OGT: variants seen among roughly 807,000 people sequenced by gnomAD.
OGT encodes the protein UDP-N-acetylglucosamine--peptide N-acetylglucosaminyltransferase 110 kDa subunit.
In OGT, 3 loss-of-function variants were observed where a neutral mutation model predicts 75.8. The observed-to-expected ratio is 0.04, with a 90% CI of 0.02 to 0.10. The LOEUF (loss-of-function observed/expected upper bound fraction) is 0.10. Ranked by LOEUF, OGT falls within the 10% of genes least tolerant of loss-of-function variation. OGT has a pLI of 1.00. For missense variants in OGT, 260 were observed against 824.4 expected (o/e 0.32, Z 8.38); for synonymous variants, 257 against 289.7 (o/e 0.89, Z 1.15).
At chrX:71,545,812 A>G (rs1223367850) in intron 4 of OGT, 2 of 112,480 alleles carry the variant, frequency 1.8e-5, no homozygotes, top group Non-Finnish European at 3.8e-5. Flanking sequence ...TATAGAACAA[A>G]TATTTGATAA....
At chrX:71,565,544 A>G (rs1468843485) in intron 19 of OGT, among the ~76,000 whole-genome samples, 1 of 111,835 alleles carries the variant, frequency 8.9e-6, no homozygotes, top group Non-Finnish European at 1.9e-5. Flanking sequence ...CTCATTTATA[A>G]TCTTCAAGAG....
chrX:71,540,694 C>T (rs1404964432), intron 3 of OGT, among the ~76,000 whole-genome samples: 3 of 97,718 alleles, frequency 3.1e-5, no homozygotes, highest in Non-Finnish European at 4.1e-5. Context: ...TTTTTGGAGA[C>T]GGAGTTTTGC....
rs1318981787 is a variant in OGT, at chrX:71,574,410, A to C, written c.*616A>C. ...GGAGCTATCAGTGCTTTGTTGATTTAGATGATGACTCAAGATTTTTTCTGG... is the reference window on the plus strand; with the variant it reads ...GGAGCTATCAGTGCTTTGTTGATTTCGATGATGACTCAAGATTTTTTCTGG... On this transcript the variant is annotated 3_prime_UTR_variant, in exon 22 of 22. Transcript: ENST00000373719. 9.0e-6 allele frequency: 1 copy of C among 110,922 alleles called. No homozygotes were observed. The highest frequency in any genetic ancestry group is 1.9e-5 in the Non-Finnish European group (1 of 52,932). The allele number at this position is 110,922 out of a possible 1,213,427, so 9.1% of individuals were successfully genotyped here. A position where few individuals can be genotyped will look rare whatever the true frequency, so the allele number is the denominator to read the frequency against.
chrX:71,557,530 A>G lies in OGT; in HGVS notation c.1460A>G (p.Lys487Arg), dbSNP rs2040351043. 1 of 1,209,908 alleles carries G rather than the reference A, an allele frequency of 8.3e-7. No individual in the cohort carries two copies. Among genetic ancestry groups the G allele is most frequent in the African/African-American group, 1.7e-5 (1 of 57,817 alleles). Reference sequence around the variant, plus strand: ...TGGACAGACTATGATGAGCGAATGAAGAAGTTGGTCAGTATTGTGGCTGAC... The same window carrying G: ...TGGACAGACTATGATGAGCGAATGAGGAAGTTGGTCAGTATTGTGGCTGAC... ...CDWTDYDERMKKLVSIVADQL... is the reference protein window; with the variant it reads ...CDWTDYDERMRKLVSIVADQL... Residue 487 changes from lysine to arginine, a missense_variant, in exon 12 of 22, where the codon AAG becomes AGG. Physicochemically the swap from Lys to Arg is conservative, Grantham distance 26. Coordinates refer to ENST00000373719, the MANE Select transcript of OGT (RefSeq NM_181672.3).
At chrX:71,542,170 T>C (rs982137558) in intron 3 of OGT, among the ~76,000 whole-genome samples, 17 of 112,338 alleles carry the variant, frequency 1.5e-4, no homozygotes, top group Non-Finnish European at 2.8e-4. Flanking sequence ...GCCTGAAATG[T>C]ATTAACCTGG....
chrX:71,548,167 A>G (rs1271220171), intron 5 of OGT, 144 bp downstream of exon 5: 6 of 560,347 alleles, frequency 1.1e-5, no homozygotes, highest in African/African-American at 7.1e-5. Flanking sequence ...ACAGAGAACA[A>G]TGATTTGACT....
At chrX:71,547,808 T>TTCCCC in intron 4 of OGT, 99 bp from the exon 5 acceptor site, 2 of 1,068,202 alleles carry the variant, frequency 1.9e-6, no homozygotes, top group Non-Finnish European at 2.4e-6. Flanking sequence ...ATCACCTTCT[T>TTCCCC]CCCCCCCTCC....
chrX:71,543,977 G>A (rs1368532728), intron 3 of OGT, among the ~76,000 whole-genome samples: 1 of 108,937 alleles, frequency 9.2e-6, no homozygotes, highest in African/African-American at 3.3e-5. Context: ...GTAGAGATGG[G>A]GTTTCGCCAT....
chrX:71,557,293 G>A lies in OGT; in HGVS notation c.1419G>A (p.Leu473=), dbSNP rs2040349394. The A allele has an allele frequency of 8.4e-7, 1 of 1,190,517 alleles. No individual in the cohort carries two copies. The highest frequency in any genetic ancestry group is 1.1e-6 in the Non-Finnish European group (1 of 879,472). Residue 473 remains leucine (L), a synonymous_variant, in exon 11 of 22, where the codon CTG becomes CTA. Transcript: ENST00000373719. The part of the protein sequence containing the change: ...PDAYCNLAHC[L]QIVCDWTDYD... ...CTTATTGTAACTTGGCTCATTGCCT[G>A]CAGGTAAAGAATAACAGGCCAGTAA...
At chrX:71,560,991 G>A (rs1417053476) in intron 14 of OGT, among the ~76,000 whole-genome samples, 2 of 108,967 alleles carry the variant, frequency 1.8e-5, no homozygotes, top group Non-Finnish European at 3.8e-5. Context: ...GCAGTGGCAC[G>A]ATCTCGGCTC....
At chrX:71,560,275 CAAAAAAA>C (rs764918597) in intron 14 of OGT, among the ~76,000 whole-genome samples, 5 of 45,846 alleles carry the variant, frequency 1.1e-4, no homozygotes, top group Non-Finnish European at 1.8e-4. Context: ...GACTCTGTCT[CAAAAAAA>C]AAAAAAAAAA....
intron 14 of OGT, among the ~76,000 whole-genome samples, chrX:71,560,372 A>G (rs1373937610): frequency 9.2e-6 from 1 of 108,421 alleles, no homozygotes; most frequent in African/African-American, 3.4e-5. Context: ...TACTTGTTCT[A>G]TTGTTGTATC....
intron 1 of OGT, chrX:71,534,429 A>G (rs780527782): frequency 9.0e-6 from 1 of 110,778 alleles, no homozygotes; most frequent in South Asian, 3.8e-4. Flanking sequence ...CTGCCTTTCC[A>G]TATTGAGGCG....
chrX:71,556,915 T>C (rs762491922), intron 9 of OGT, 37 bp from the exon 10 acceptor site: 1 of 1,182,901 alleles, frequency 8.5e-7, no homozygotes, highest in African/African-American at 1.8e-5. Context: ...TAAAGATTTT[T>C]GTATTGGAGA....
chrX:71,555,991 G>A lies in OGT; in HGVS notation c.962G>A (p.Arg321His), dbSNP rs773649818. Residue 321 changes from arginine (R) to histidine (H), a missense_variant, in exon 8 of 22, where the codon CGT (arginine) becomes CAT (histidine). Arg to His is a conservative substitution (Grantham distance 29). Coordinates refer to ENST00000373719, the MANE Select transcript of OGT (RefSeq NM_181672.3). ...EAEDCYNTALRLCPTHADSLN... is the reference protein window; with the variant it reads ...EAEDCYNTALHLCPTHADSLN... ...GAAGATTGTTATAATACAGCTCTCCGTCTGTGTCCCACCCATGCAGACTCT... is the reference window on the plus strand; with the variant it reads ...GAAGATTGTTATAATACAGCTCTCCATCTGTGTCCCACCCATGCAGACTCT... The A allele has an allele frequency of 5.8e-6, 7 of 1,211,101 alleles. No individual in the cohort carries two copies. Among genetic ancestry groups the A allele is most frequent in the African/African-American group, 1.7e-5 (1 of 57,727 alleles).
intron 21 of OGT, among the ~76,000 whole-genome samples, chrX:71,572,223 G>A (rs1490239603): frequency 3.6e-5 from 4 of 111,675 alleles, no homozygotes; most frequent in Non-Finnish European, 7.5e-5. Context: ...AATTAGTTTT[G>A]CTTTTCTAGA....
At chrX:71,558,253 C>A (rs1011188115) in intron 12 of OGT, among the ~76,000 whole-genome samples, 1 of 109,495 alleles carries the variant, frequency 9.1e-6, no homozygotes, top group African/African-American at 3.3e-5. Context: ...GCCTGGCCAG[C>A]CATCATGTTT....
chrX:71,536,185 G>A lies in OGT; in HGVS notation c.45G>A (p.Thr15=). ...VGNVADSTEP[T]KRMLSFQGLA... ...GTTTTGATGATTCTCCAGAACCAACGAAACGTATGCTTTCCTTCCAAGGGT... is the reference window on the plus strand; with the variant it reads ...GTTTTGATGATTCTCCAGAACCAACAAAACGTATGCTTTCCTTCCAAGGGT... The change falls in exon 2 of 22, where the codon ACG becomes ACA. Residue 15 remains threonine, a synonymous_variant. Transcript: ENST00000373719. 1 of 1,197,334 alleles carries A rather than the reference G, an allele frequency of 8.4e-7. No individual in the cohort carries two copies. The highest frequency in any genetic ancestry group is 1.1e-6 in the Non-Finnish European group (1 of 888,887).
At chrX:71,556,877 A>G in intron 9 of OGT, 75 bp from the exon 10 acceptor site, 3 of 1,104,675 alleles carry the variant, frequency 2.7e-6, no homozygotes, top group African/African-American at 3.6e-5. Flanking sequence ...TTTAAATAAC[A>G]ACGGAATAAG....
Sources: gnomAD v4.1 joint callset for allele counts (sites outside exome capture counted in the v4.1 genomes callset) on GRCh38, gnomAD v4.1.1 for gene constraint, MANE v1.5 for transcripts, NCBI Gene and HGNC (gene_info 2026-07-23, HGNC 2026-07-21) for gene names.